Variants in G3BP2 observed in about 807,000 individuals in gnomAD.
G3BP2 encodes G3BP stress granule assembly factor 2.
In G3BP2, 11 loss-of-function variants were observed where a neutral mutation model predicts 56.7. The ratio of observed to expected loss-of-function variants is 0.19; its 90% CI spans 0.12 to 0.32. The LOEUF is 0.32. Among genes scored for constraint, G3BP2 ranks in the 10% least tolerant of loss-of-function variants. The pLI, the probability that G3BP2 is intolerant of heterozygous loss-of-function variation, is 1.00. For missense variants in G3BP2, 340 were observed against 610.9 expected, an observed-to-expected ratio of 0.56 and a Z score of 4.67; for synonymous variants, 165 against 191.6, an observed-to-expected ratio of 0.86 and a Z score of 1.15.
chr4:75,673,294 G>A lies in G3BP2; in HGVS notation c.-111C>T. 1.6e-6 allele frequency: 2 copies of A among 1,226,338 alleles called. No homozygotes were observed. Among genetic ancestry groups the A allele is most frequent in the South Asian group, 4.3e-5 (1 of 23,498 alleles). The allele number at this position is 1,226,338 out of a possible 1,614,324, so 76.0% of individuals were successfully genotyped here. On this transcript the variant is annotated 5_prime_UTR_variant, in exon 1 of 12. Coordinates refer to ENST00000359707, the MANE Select transcript of G3BP2 (RefSeq NM_203505.3). Reference sequence around the variant, plus strand: ...GTGCGGCGGGTTCTTATTGCTCGCCGCCCCCTTCCTCCGACAACTCGGAAG... The same window carrying A: ...GTGCGGCGGGTTCTTATTGCTCGCCACCCCCTTCCTCCGACAACTCGGAAG...
chr4:75,690,299 G>A (rs6531849), intron 3 of G3BP2, among the ~76,000 whole-genome samples: 35,247 of 151,966 alleles, frequency 0.23, 4,346 homozygotes, highest in Middle Eastern at 0.36. Flanking sequence ...GTGTGGTGGT[G>A]GGCACCTGTA....
chr4:75,678,761 A>T lies in G3BP2; in HGVS notation c.-24-16712T>A, dbSNP rs530507901. Among the ~76,000 whole-genome samples, 15 of 152,300 alleles carry T rather than the reference A, an allele frequency of 9.8e-5. No individual in the cohort carries two copies. In the South Asian group the frequency reaches 3.1e-3, roughly 32 times the overall value. ...ACTATAGGCAGGATGTTTCACTTTT[A>T]TGTGCCTCAGTGTTTCTCATCTGTA... On this transcript the variant is annotated intron_variant, in intron 3 of 3. Coordinates refer to the G3BP2 transcript ENST00000499709.
chr4:75,695,263 G>A (rs2149087179), intron 3 of G3BP2, among the ~76,000 whole-genome samples: 1 of 152,292 alleles, frequency 6.6e-6, no homozygotes, highest in African/African-American at 2.4e-5. Flanking sequence ...GTGCCCCAGG[G>A]TCCATTCAGG....
intron 3 of G3BP2, among the ~76,000 whole-genome samples, chr4:75,682,213 G>A (rs540602260): frequency 1.4e-4 from 22 of 152,142 alleles, no homozygotes; most frequent in Middle Eastern, 3.4e-3. Flanking sequence ...TCAAGAGCTC[G>A]AGACTATCCT....
chr4:75,720,365 G>A (rs1313141497), intron 3 of G3BP2, among the ~76,000 whole-genome samples: 1 of 152,014 alleles, frequency 6.6e-6, no homozygotes, highest in Admixed American at 6.6e-5. Context: ...AGCCGGGCGC[G>A]GTGGCGGGCG....
At chr4:75,720,829 AAATAAATAAAT>A (rs1228946052) in intron 3 of G3BP2, among the ~76,000 whole-genome samples, 1 of 149,394 alleles carries the variant, frequency 6.7e-6, no homozygotes, top group African/African-American at 2.5e-5. Context: ...ATAAATAAAT[AAATAAATAAAT>A]AAAAATATTT....
intron 1 of G3BP2, 150 bp from the exon 2 acceptor site, chr4:75,662,199 A>C (rs1578398834): frequency 2.0e-6 from 1 of 510,104 alleles, no homozygotes. Flanking sequence ...ATAACCCACT[A>C]CCATCAGACT....
intron 1 of G3BP2, 136 bp downstream of exon 1, chr4:75,673,071 GC>G (rs1357531330): frequency 2.0e-6 from 2 of 1,015,132 alleles, no homozygotes; most frequent in Non-Finnish European, 2.4e-6. Flanking sequence ...TAGGGAGCCG[GC>G]AAGAACAATG....
At chr4:75,686,219 T>A (rs994541879) in intron 3 of G3BP2, among the ~76,000 whole-genome samples, 5 of 152,134 alleles carry the variant, frequency 3.3e-5, no homozygotes, top group African/African-American at 1.2e-4. Flanking sequence ...AAACCTAAAA[T>A]CTGGAAAAGG....
chr4:75,663,800 A>C (rs1263405403), intron 1 of G3BP2, among the ~76,000 whole-genome samples: 3 of 152,240 alleles, frequency 2.0e-5, no homozygotes, highest in Non-Finnish European at 2.9e-5. Context: ...CGGAGGTTGC[A>C]GTGAACCAAG....
At chr4:75,682,559 A>G (rs1484981315) in intron 3 of G3BP2, among the ~76,000 whole-genome samples, 2 of 152,342 alleles carry the variant, frequency 1.3e-5, no homozygotes, top group East Asian at 1.9e-4. Flanking sequence ...AATTTCGTTC[A>G]GCTCCCAGGT....
chr4:75,651,771 G>C (rs1731714137), intron 8 of G3BP2, among the ~76,000 whole-genome samples: 1 of 152,076 alleles, frequency 6.6e-6, no homozygotes, highest in Admixed American at 6.5e-5. Flanking sequence ...TATGAAGTAA[G>C]TACAGAACCA....
chr4:75,693,517 G>A (rs1431517507), intron 3 of G3BP2, among the ~76,000 whole-genome samples: 1 of 151,568 alleles, frequency 6.6e-6, no homozygotes, highest in Non-Finnish European at 1.5e-5. Context: ...TCTGCCAGGC[G>A]CGGTAGCTCA....
chr4:75,692,592 G>T (rs1156606327), intron 3 of G3BP2, among the ~76,000 whole-genome samples: 1 of 152,136 alleles, frequency 6.6e-6, no homozygotes, highest in Non-Finnish European at 1.5e-5. Flanking sequence ...TTACAGGTGT[G>T]AGCCACTGCA....
rs1731207560 is a variant in G3BP2, at chr4:75,646,346, T to C, written c.1168A>G (p.Ile390Val). The change falls in exon 11 of 12, where the codon ATT becomes GTT. Residue 390 changes from isoleucine (I) to valine (V), a missense_variant. Transcript: ENST00000359707. ...DDSEPVQRIL[I>V]AKPIMFRGEV... is the part of the protein sequence containing the mutation. ...CCCTTTAAATCACTTACTTTTGCAA[T>C]TAAGATTCTCTGAACTGGTTCAGAG... is the stretch of plus-strand genomic sequence containing the variant. The C allele has an allele frequency of 1.4e-6, 2 of 1,457,504 alleles. No homozygotes were observed. Among genetic ancestry groups the C allele is most frequent in the South Asian group, 2.4e-5 (2 of 83,712 alleles). The allele number at this position is 1,457,504 out of a possible 1,614,324, so 90.3% of individuals were successfully genotyped here.
intron 3 of G3BP2, among the ~76,000 whole-genome samples, chr4:75,720,082 T>A (rs1720098549): frequency 7.4e-6 from 1 of 135,742 alleles, no homozygotes; most frequent in Non-Finnish European, 1.5e-5. Context: ...AGTGGCACAA[T>A]CTTGACTCAC....
At chr4:75,718,933 G>C (rs1253044877) in intron 3 of G3BP2, among the ~76,000 whole-genome samples, 3 of 152,102 alleles carry the variant, frequency 2.0e-5, no homozygotes, top group Non-Finnish European at 4.4e-5. Context: ...TGAAAACCCA[G>C]ATAACAGGGA....
At chr4:75,675,595 C>T (rs1464382175), upstream of G3BP2, among the ~76,000 whole-genome samples, 1 of 152,172 alleles carries the variant, frequency 6.6e-6, no homozygotes, top group African/African-American at 2.4e-5. Context: ...GAGTTTGAGA[C>T]CAGCCTGACC....
At chr4:75,655,267 C>T in intron 6 of G3BP2, 21 bp from the exon 7 acceptor site, 1 of 1,560,468 alleles carries the variant, frequency 6.4e-7, no homozygotes, top group South Asian at 1.1e-5. Context: ...ATATTTAGTT[C>T]ACTTTTTAGT....
Sources: allele counts gnomAD v4.1 joint callset (sites outside exome capture counted in the v4.1 genomes callset), GRCh38; gene constraint gnomAD v4.1.1; transcripts MANE v1.5; gene names NCBI Gene and HGNC (gene_info 2026-07-23, HGNC 2026-07-21).